The following SNX14 variants were observed in gnomAD, a reference collection of about 807,000 sequenced individuals.
SNX14 encodes sorting nexin-14.
In SNX14, 93 loss-of-function variants were observed where a neutral mutation model predicts 133.8. The ratio of observed to expected loss-of-function variants is 0.70; its 90% CI spans 0.59 to 0.83. The LOEUF (loss-of-function observed/expected upper bound fraction) is 0.83, where lower values mean the gene tolerates loss of function less well. SNX14 is among the 40% of genes least tolerant of loss of function. The pLI, the probability that SNX14 is intolerant of heterozygous loss-of-function variation, is 0.00. For missense variants in SNX14, 945 were observed against 1,094.9 expected (o/e 0.86, Z 1.93); for synonymous variants, 368 against 365.6 (o/e 1.01, Z -0.07).
chr6:85,548,075 G>A (rs1274993363), intron 9 of SNX14, among the ~76,000 whole-genome samples: 2 of 152,138 alleles, frequency 1.3e-5, no homozygotes, highest in African/African-American at 4.8e-5. Flanking sequence ...GCAGAATGGT[G>A]GTTGCCAGGG....
chr6:85,530,348 T>A (rs183720897), intron 18 of SNX14, 73 bp from the exon 19 acceptor site: 7 of 1,025,704 alleles, frequency 6.8e-6, no homozygotes, highest in Non-Finnish European at 1.0e-5. Flanking sequence ...TTTAAAACAT[T>A]AAGAATACAA....
chr6:85,568,528 A>C (rs1562362128), intron 4 of SNX14: 1 of 152,240 alleles, frequency 6.6e-6, no homozygotes, highest in Non-Finnish European at 1.5e-5. Context: ...AAAAAGTAAC[A>C]AAACAAAATA....
chr6:85,588,530 T>G (rs1044343579), intron 1 of SNX14, among the ~76,000 whole-genome samples: 2 of 152,090 alleles, frequency 1.3e-5, no homozygotes, highest in African/African-American at 4.8e-5. Flanking sequence ...TGAGCCAAGA[T>G]AGCGCCACTG....
chr6:85,573,965 A>T (rs1457877553), intron 2 of SNX14, among the ~76,000 whole-genome samples: 1 of 152,192 alleles, frequency 6.6e-6, no homozygotes, highest in Non-Finnish European at 1.5e-5. Flanking sequence ...CCTCTAAGAG[A>T]ATTGTATACC....
At chr6:85,507,899 AC>A in intron 27 of SNX14, 68 bp downstream of exon 27, 1 of 1,196,118 alleles carries the variant, frequency 8.4e-7, no homozygotes. Context: ...CTAATGAGTT[AC>A]CAGACACCTT....
At chr6:85,523,071 A>G (rs1007047057) in intron 21 of SNX14, among the ~76,000 whole-genome samples, 2 of 152,252 alleles carry the variant, frequency 1.3e-5, no homozygotes, top group Non-Finnish European at 2.9e-5. Context: ...AGAAAAGAGT[A>G]TAAACAAAGG....
intron 6 of SNX14, among the ~76,000 whole-genome samples, chr6:85,563,519 G>A (rs1792532589): frequency 6.6e-6 from 1 of 152,058 alleles, no homozygotes; most frequent in Non-Finnish European, 1.5e-5. Context: ...GGCCTCCTGA[G>A]TAGCTGGTAT....
chr6:85,509,494 T>TCCTG (rs113519464), intron 26 of SNX14, among the ~76,000 whole-genome samples: 1 of 151,470 alleles, frequency 6.6e-6, no homozygotes, highest in African/African-American at 2.4e-5. Flanking sequence ...TTCTCTAAGG[T>TCCTG]TCTGTCCTAA....
chr6:85,557,365 T>C (rs2128134115), intron 7 of SNX14, among the ~76,000 whole-genome samples: 1 of 152,134 alleles, frequency 6.6e-6, no homozygotes, highest in African/African-American at 2.4e-5. Context: ...CTGCAGGATA[T>C]GGTAAGAAGG....
At chr6:85,557,917 G>C (rs370663813) in intron 7 of SNX14, 59 bp downstream of exon 7, 1 of 865,124 alleles carries the variant, frequency 1.2e-6, no homozygotes, top group Non-Finnish European at 1.9e-6. Flanking sequence ...TAGATATTTC[G>C]GGTGAAAATT....
intron 6 of SNX14, 57 bp downstream of exon 6, chr6:85,565,273 ATC>A (rs1218500599): frequency 5.4e-6 from 6 of 1,116,392 alleles, no homozygotes; most frequent in Admixed American, 5.1e-5. Context: ...ATTGTTTTAA[ATC>A]TCTTTCATTA....
chr6:85,543,848 A>G, intron 12 of SNX14, 88 bp from the exon 13 acceptor site: 1 of 736,884 alleles, frequency 1.4e-6, no homozygotes, highest in Non-Finnish European at 1.9e-6. Context: ...TGTAGCCAAT[A>G]CTAACAGCAG....
chr6:85,541,999 A>G lies in SNX14; in HGVS notation c.1434T>C (p.Asn478=). The G allele has an allele frequency of 1.3e-6, 2 of 1,595,214 alleles. No homozygotes were observed. Among genetic ancestry groups the G allele is most frequent in the Non-Finnish European group, 1.7e-6 (2 of 1,171,940 alleles). The change falls in exon 15 of 29, where the codon AAT becomes AAC. Residue 478 remains asparagine (N), a synonymous_variant. Transcript: ENST00000314673. ...LLRGAESPTR[N]SKLNRGSLSL... ...ATACAACCTACCTGTTCAATTTTGA[A>G]TTGCGTGTTGGTGATTCTGCACCTC... is the stretch of plus-strand genomic sequence containing the variant.
intron 15 of SNX14, among the ~76,000 whole-genome samples, chr6:85,539,679 A>C (rs1362254272): frequency 6.6e-6 from 1 of 152,068 alleles, no homozygotes; most frequent in African/African-American, 2.4e-5. Context: ...ATCATTAAGT[A>C]TCACAGAAGC....
intron 14 of SNX14, among the ~76,000 whole-genome samples, chr6:85,542,971 T>C (rs1784287799): frequency 6.6e-6 from 1 of 152,218 alleles, no homozygotes; most frequent in Non-Finnish European, 1.5e-5. Context: ...TTTCACCATG[T>C]TGGCCAGGTT....
chr6:85,575,049 A>G (rs948326289), intron 1 of SNX14, among the ~76,000 whole-genome samples: 2 of 152,230 alleles, frequency 1.3e-5, no homozygotes, highest in African/African-American at 4.8e-5. Context: ...GAGACTGGAG[A>G]AGAGGCAGGG....
intron 7 of SNX14, among the ~76,000 whole-genome samples, chr6:85,555,709 G>A (rs768733971): frequency 5.3e-5 from 8 of 152,166 alleles, no homozygotes; most frequent in Non-Finnish European, 8.8e-5. Flanking sequence ...ACCTAACGAG[G>A]CCAGGCACGG....
At chr6:85,557,940 C>CA in intron 7 of SNX14, 36 bp downstream of exon 7, 1 of 1,295,160 alleles carries the variant, frequency 7.7e-7, no homozygotes, top group East Asian at 2.3e-5. Flanking sequence ...TGTATAAAAA[C>CA]AAAATTACTC....
chr6:85,575,258 G>T (rs1056848199), intron 1 of SNX14, among the ~76,000 whole-genome samples: 1 of 152,180 alleles, frequency 6.6e-6, no homozygotes, highest in Non-Finnish European at 1.5e-5. Context: ...CCATGATTGT[G>T]CTAAATAACA....
Sources: allele counts gnomAD v4.1 joint callset (sites outside exome capture counted in the v4.1 genomes callset), GRCh38; gene constraint gnomAD v4.1.1; transcripts MANE v1.5; gene names NCBI Gene and HGNC (gene_info 2026-07-23, HGNC 2026-07-21).